PREX2: variants seen among roughly 807,000 people sequenced by gnomAD.
PREX2 encodes the protein phosphatidylinositol-3,4,5-trisphosphate dependent Rac exchange factor 2, also known as phosphatidylinositol 3,4,5-trisphosphate-dependent Rac exchanger 2 protein.
In PREX2, 107 loss-of-function variants were observed where a neutral mutation model predicts 203.2. The observed-to-expected ratio is 0.53, with a 90% CI of 0.45 to 0.62. The LOEUF (loss-of-function observed/expected upper bound fraction) is 0.62. PREX2 is among the 20% of genes least tolerant of loss of function. The probability of loss-of-function intolerance (pLI) is 0.00; values close to 1 mark genes in which losing one functional copy is unlikely to be tolerated. For missense variants in PREX2, 1,777 were observed against 1,955.9 expected, an observed-to-expected ratio of 0.91 and a Z score of 1.72; for synonymous variants, 672 against 663.6, an observed-to-expected ratio of 1.01 and a Z score of -0.19.
intron 25 of PREX2, 69 bp downstream of exon 25, chr8:68,109,692 T>A (rs185381151): frequency 7.9e-7 from 1 of 1,260,816 alleles, no homozygotes; most frequent in East Asian, 2.3e-5. Context: ...CTTAGAAAAA[T>A]TCAATCATTC....
Position 68,157,434 on chromosome 8 carries a change from C to G in PREX2, c.4344C>G (p.Leu1448=), listed in dbSNP as rs754955192. Residue 1448 remains leucine (L), a splice_region_variant and synonymous_variant, in exon 35 of 40, where the codon CTC becomes CTG. Transcript: ENST00000288368. ...AGGTCAAACAGTACAACCAGAAGCT[C>G]AGGTATGTAACAATCCAACTGAAAA... ...LEKVKQYNQK[L]RAFYLDKSNS... 6.3e-7 allele frequency: 1 copy of G among 1,577,104 alleles called. No individual in the cohort carries two copies. Among genetic ancestry groups the G allele is most frequent in the Admixed American group, 1.7e-5 (1 of 59,798 alleles).
chr8:67,966,991 A>T (rs1169551790), intron 1 of PREX2, among the ~76,000 whole-genome samples: 1 of 152,240 alleles, frequency 6.6e-6, no homozygotes, highest in Non-Finnish European at 1.5e-5. Context: ...AGTGCCTGGG[A>T]GAATAAGTGA....
intron 15 of PREX2, among the ~76,000 whole-genome samples, chr8:68,078,109 C>G (rs185423639): frequency 7.9e-4 from 120 of 152,178 alleles, no homozygotes; most frequent in Non-Finnish European, 1.1e-3. Flanking sequence ...GCAAGCTTTT[C>G]CTGTTCGTAA....
At chr8:68,184,506 G>A (rs992256098) in intron 35 of PREX2, among the ~76,000 whole-genome samples, 5 of 152,082 alleles carry the variant, frequency 3.3e-5, no homozygotes, top group Admixed American at 3.3e-4. Flanking sequence ...ACCTAATACC[G>A]TTTAGAATAT....
chr8:68,132,435 A>G (rs1387013174), intron 31 of PREX2, among the ~76,000 whole-genome samples: 1 of 152,008 alleles, frequency 6.6e-6, no homozygotes, highest in African/African-American at 2.4e-5. Flanking sequence ...CCAAAGCAGC[A>G]TGTTTCTATA....
intron 25 of PREX2, among the ~76,000 whole-genome samples, chr8:68,110,659 C>A (rs1240999690): frequency 6.6e-6 from 1 of 152,156 alleles, no homozygotes; most frequent in Non-Finnish European, 1.5e-5. Context: ...TCAGTTTTGA[C>A]ACAAAATATT....
chr8:68,087,009 A>G (rs535789114), intron 18 of PREX2, among the ~76,000 whole-genome samples: 17 of 152,068 alleles, frequency 1.1e-4, no homozygotes, highest in Non-Finnish European at 2.4e-4. Context: ...TAGGTCCCTC[A>G]TTGTTTTCTT....
At chr8:68,195,842 A>T (rs1812384061) in intron 37 of PREX2, among the ~76,000 whole-genome samples, 1 of 152,240 alleles carries the variant, frequency 6.6e-6, no homozygotes, top group South Asian at 2.1e-4. Context: ...CAGAAATAGG[A>T]TCTAAAATGT....
At chr8:68,031,975 A>C (rs561986763) in intron 6 of PREX2, among the ~76,000 whole-genome samples, 5 of 152,334 alleles carry the variant, frequency 3.3e-5, no homozygotes, top group African/African-American at 9.6e-5. Flanking sequence ...GGAATCTGTC[A>C]TAATTTTGTT....
Position 68,134,366 on chromosome 8 carries a change from G to A in PREX2, c.3984+90G>A, listed in dbSNP as rs377725829. 4.7e-3 allele frequency: 4,921 copies of A among 1,044,168 alleles called. 14 individuals are homozygous for A. The highest frequency in any genetic ancestry group is 5.8e-3 in the Non-Finnish European group (4,033 of 695,404). The allele number at this position is 1,044,168 out of a possible 1,614,324, so 64.7% of individuals were successfully genotyped here. On this transcript the variant is annotated intron_variant, in intron 32 of 39. Transcript: ENST00000288368. ...AATAAGAAGTAGTTATTTCTTTCCCGCTGGTTATCTCTATGAATGTGCGTG... is the reference window on the plus strand; with the variant it reads ...AATAAGAAGTAGTTATTTCTTTCCCACTGGTTATCTCTATGAATGTGCGTG...
intron 35 of PREX2, among the ~76,000 whole-genome samples, chr8:68,183,157 A>G (rs1812117586): frequency 6.6e-6 from 1 of 152,086 alleles, no homozygotes; most frequent in South Asian, 2.1e-4. Flanking sequence ...CAAGGTAATG[A>G]AATGATTGTA....
chr8:68,099,902 A>T, intron 23 of PREX2, 59 bp downstream of exon 23: 1 of 1,364,228 alleles, frequency 7.3e-7, no homozygotes, highest in East Asian at 2.3e-5. Context: ...TGAATGTCAA[A>T]TTTAAATCAA....
intron 37 of PREX2, among the ~76,000 whole-genome samples, chr8:68,211,481 G>C (rs1812741625): frequency 6.6e-6 from 1 of 152,160 alleles, no homozygotes; most frequent in African/African-American, 2.4e-5. Context: ...TGCCCATAAA[G>C]AGGAGGCTCC....
At chr8:67,954,186 C>G (rs1463768162) in intron 1 of PREX2, among the ~76,000 whole-genome samples, 1 of 152,072 alleles carries the variant, frequency 6.6e-6, no homozygotes, top group East Asian at 1.9e-4. Context: ...AAATTTTCCC[C>G]TTTTATAAGG....
chr8:68,034,226 A>G (rs1807967977), intron 6 of PREX2, among the ~76,000 whole-genome samples: 1 of 152,184 alleles, frequency 6.6e-6, no homozygotes, highest in Admixed American at 6.5e-5. Context: ...CATATAAGTT[A>G]TGCAACATTC....
At chr8:68,020,727 C>T (rs1807544937) in intron 3 of PREX2, among the ~76,000 whole-genome samples, 1 of 152,252 alleles carries the variant, frequency 6.6e-6, no homozygotes, top group Non-Finnish European at 1.5e-5. Flanking sequence ...CTTTATTTCA[C>T]GAAAGAATCA....
chr8:68,099,970 A>G (rs1368040135), intron 23 of PREX2, 127 bp downstream of exon 23: 6 of 905,574 alleles, frequency 6.6e-6, no homozygotes, highest in Non-Finnish European at 1.1e-5. Flanking sequence ...TGATAACATT[A>G]TATAACATTT....
In PREX2 at chr8:68,109,452, T is replaced by G. The variant is rs764084929; in HGVS notation, c.2975T>G (p.Ile992Ser). The change falls in exon 25 of 40, where the codon ATC becomes AGC. Residue 992 changes from isoleucine to serine, a missense_variant. Transcript: ENST00000288368. Reference protein sequence around the residue: ...LSPMVYIQHTITTMAAPSGLS... With the variant: ...LSPMVYIQHTSTTMAAPSGLS... ...CCTATGGTGTACATTCAGCACACCA[T>G]CACAACCATGGCGGCCCCTTCAGGT... is the stretch of plus-strand genomic sequence containing the variant. The G allele has an allele frequency of 3.1e-6, 5 of 1,613,888 alleles. No homozygotes were observed. Among genetic ancestry groups the G allele is most frequent in the Non-Finnish European group, 4.2e-6 (5 of 1,179,896 alleles).
chr8:68,034,473 A>G (rs1807975603), intron 6 of PREX2, among the ~76,000 whole-genome samples: 1 of 152,174 alleles, frequency 6.6e-6, no homozygotes, highest in African/African-American at 2.4e-5. Context: ...TCATTAATTC[A>G]GCTTTAAGTC....
Sources: allele counts gnomAD v4.1 joint callset (sites outside exome capture counted in the v4.1 genomes callset), GRCh38; gene constraint gnomAD v4.1.1; transcripts MANE v1.5; gene names NCBI Gene and HGNC (gene_info 2026-07-23, HGNC 2026-07-21).